Variants in BNC2 observed in about 807,000 individuals in gnomAD.
The protein encoded by BNC2 is basonuclin zinc finger protein 2.
Under a neutral mutation model 76.3 loss-of-function variants are expected in BNC2, and 20 were observed. The observed-to-expected ratio is 0.26, with a 90% CI of 0.18 to 0.38. The LOEUF (loss-of-function observed/expected upper bound fraction) is 0.38. Ranked by LOEUF, BNC2 falls within the 10% of genes least tolerant of loss-of-function variation. The probability of loss-of-function intolerance (pLI) is 1.00; values close to 1 mark genes in which losing one functional copy is unlikely to be tolerated. For missense variants in BNC2, 1,382 were observed against 1,399.8 expected, an observed-to-expected ratio of 0.99 and a Z score of 0.20; for synonymous variants, 582 against 514.8, an observed-to-expected ratio of 1.13 and a Z score of -1.77.
In BNC2 at chr9:16,445,717, T is replaced by A. The variant is rs76658411; in HGVS notation, c.670-8193A>T. 9.5e-3 allele frequency among the ~76,000 whole-genome samples: 1,445 copies of A among 152,260 alleles called. 18 individuals carry two copies. Among genetic ancestry groups the A allele is most frequent in the African/African-American group, 0.033 (1,385 of 41,574 alleles). ...AGAAAGAATGATTTCGAAATAAAAA[T>A]TCAGACTGGACTTTACTTGTTAACA... On this transcript the variant is annotated intron_variant, in intron 5 of 6. Coordinates refer to ENST00000380672, the MANE Select transcript of BNC2 (RefSeq NM_017637.6).
At chr9:16,526,882 C>T (rs1472812563) in intron 5 of BNC2, among the ~76,000 whole-genome samples, 1 of 152,110 alleles carries the variant, frequency 6.6e-6, no homozygotes, top group Non-Finnish European at 1.5e-5. Context: ...AGTAAACAAG[C>T]AGTTATTGTA....
intron 3 of BNC2, among the ~76,000 whole-genome samples, chr9:16,652,606 T>G (rs972680225): frequency 9.9e-5 from 15 of 152,188 alleles, no homozygotes; most frequent in Non-Finnish European, 1.6e-4. Context: ...AAGAGAAACC[T>G]CGTTTTTAAA....
At chr9:16,654,569 T>C (rs186306110) in intron 3 of BNC2, among the ~76,000 whole-genome samples, 5 of 152,310 alleles carry the variant, frequency 3.3e-5, no homozygotes, top group Admixed American at 3.3e-4. Flanking sequence ...ATTAAACAAT[T>C]TAACTTACAC....
chr9:16,778,071 G>C (rs1826018616), intron 1 of BNC2, among the ~76,000 whole-genome samples: 1 of 152,146 alleles, frequency 6.6e-6, no homozygotes, highest in South Asian at 2.1e-4. Flanking sequence ...CACAGTAGGT[G>C]ACTAAATGGC....
intron 1 of BNC2, among the ~76,000 whole-genome samples, chr9:16,843,966 T>TTTG (rs1013440764): frequency 3.9e-5 from 6 of 152,252 alleles, no homozygotes; most frequent in Middle Eastern, 3.4e-3. Context: ...TCTTAGGTTT[T>TTTG]TTGTTGTTGT....
intron 2 of BNC2, 94 bp downstream of exon 2, chr9:16,738,266 A>G: frequency 7.3e-7 from 1 of 1,378,598 alleles, no homozygotes; most frequent in Admixed American, 1.8e-5. Flanking sequence ...AAAGAGTGGC[A>G]GAAAGAAGAG....
intron 3 of BNC2, among the ~76,000 whole-genome samples, chr9:16,708,266 G>A (rs1158992976): frequency 1.3e-5 from 2 of 152,116 alleles, no homozygotes; most frequent in African/African-American, 4.8e-5. Context: ...TGTGTTAAAT[G>A]GCATTTAGAA....
intron 3 of BNC2, among the ~76,000 whole-genome samples, chr9:16,655,273 C>G (rs1040538739): frequency 6.6e-6 from 1 of 152,080 alleles, no homozygotes; most frequent in Non-Finnish European, 1.5e-5. Context: ...CACAAATTCT[C>G]CAAATTCACT....
At chr9:16,445,224 T>C (rs1821207235) in intron 5 of BNC2, among the ~76,000 whole-genome samples, 1 of 152,244 alleles carries the variant, frequency 6.6e-6, no homozygotes, top group South Asian at 2.1e-4. Flanking sequence ...TTAGCAGATT[T>C]ACATTAAACA....
chr9:16,640,601 A>C (rs1821464475), intron 3 of BNC2, among the ~76,000 whole-genome samples: 1 of 152,216 alleles, frequency 6.6e-6, no homozygotes, highest in Admixed American at 6.5e-5. Context: ...CTGAGAAAAC[A>C]TGTAGAACAT....
At position 16,691,672 on chromosome 9, in the gene BNC2, G is replaced by A. The variant is rs1823173336; in HGVS notation, c.330+36125C>T. 1.3e-5 allele frequency among the ~76,000 whole-genome samples: 2 copies of A among 151,776 alleles called. 1 individual carries two copies. Among genetic ancestry groups the A allele is most frequent in the South Asian group, 4.2e-4 (2 of 4,802 alleles). On this transcript the variant is annotated intron_variant, in intron 3 of 6. Transcript: ENST00000380672. The stretch of plus-strand genomic sequence containing the variant: ...CTACAAGCACCCACCACCACGCCCA[G>A]CTAATTTTTTGTATTTTTAATAGAG...
At chr9:16,499,530 CTTTTTTTTTT>C (rs763681726) in intron 5 of BNC2, among the ~76,000 whole-genome samples, 1 of 127,110 alleles carries the variant, frequency 7.9e-6, no homozygotes, top group Non-Finnish European at 1.6e-5. Context: ...CTTTTTTTTT[CTTTTTTTTTT>C]TTTTTTTGAG....
At chr9:16,790,916 A>G (rs1030032017) in intron 1 of BNC2, among the ~76,000 whole-genome samples, 7 of 150,818 alleles carry the variant, frequency 4.6e-5, no homozygotes, top group African/African-American at 1.7e-4. Context: ...ATCTTTGACA[A>G]TTCTCCCCTT....
chr9:16,682,481 C>T (rs978285388), intron 3 of BNC2, among the ~76,000 whole-genome samples: 6 of 151,906 alleles, frequency 3.9e-5, no homozygotes, highest in African/African-American at 1.2e-4. Context: ...CAAATTATTA[C>T]AGGAACAGTG....
intron 5 of BNC2, among the ~76,000 whole-genome samples, chr9:16,539,454 G>T (rs1164295781): frequency 6.6e-6 from 1 of 151,048 alleles, no homozygotes; most frequent in African/African-American, 2.4e-5. Context: ...CTTGAGCCAG[G>T]GAGGTGGAGG....
At chr9:16,664,381 G>A (rs1822203869) in intron 3 of BNC2, among the ~76,000 whole-genome samples, 1 of 152,076 alleles carries the variant, frequency 6.6e-6, no homozygotes, top group Non-Finnish European at 1.5e-5. Flanking sequence ...CCAACCACAA[G>A]TTCATGGGTC....
intron 4 of BNC2, among the ~76,000 whole-genome samples, chr9:16,574,149 C>T (rs958918909): frequency 6.6e-6 from 1 of 152,104 alleles, no homozygotes; most frequent in South Asian, 2.1e-4. Context: ...CATTTATAAA[C>T]CCTTCAATTT....
intron 5 of BNC2, among the ~76,000 whole-genome samples, chr9:16,491,920 A>C (rs113421249): frequency 2.0e-5 from 3 of 152,134 alleles, no homozygotes; most frequent in Non-Finnish European, 4.4e-5. Flanking sequence ...AATAAACTAC[A>C]CTCTGGTATG....
At chr9:16,687,829 G>A (rs1173007466) in intron 3 of BNC2, among the ~76,000 whole-genome samples, 2 of 152,102 alleles carry the variant, frequency 1.3e-5, no homozygotes, top group Non-Finnish European at 2.9e-5. Flanking sequence ...GAAGGAGAAA[G>A]TTAAACAACT....
Sources: allele counts gnomAD v4.1 joint callset (sites outside exome capture counted in the v4.1 genomes callset), GRCh38; gene constraint gnomAD v4.1.1; transcripts MANE v1.5; gene names NCBI Gene and HGNC (gene_info 2026-07-23, HGNC 2026-07-21).